The following FHOD3 variants were observed in gnomAD, a reference collection of about 807,000 sequenced individuals.
The protein encoded by FHOD3 is formin homology 2 domain containing 3.
FHOD3 carries 90 observed loss-of-function variants against 173.0 expected under a neutral mutation model. The observed-to-expected ratio is 0.52, with a 90% CI of 0.44 to 0.62. FHOD3 has a LOEUF of 0.62. Among genes scored for constraint, FHOD3 ranks in the 20% least tolerant of loss-of-function variants. The pLI is 0.00. For synonymous variants in FHOD3, 828 were observed against 823.0 expected (o/e 1.01, Z -0.10); for missense variants, 1,945 against 2,034.7 (o/e 0.96, Z 0.85).
At chr18:36,639,035 G>A (rs963173974) in intron 10 of FHOD3, among the ~76,000 whole-genome samples, 3 of 152,178 alleles carry the variant, frequency 2.0e-5, no homozygotes, top group African/African-American at 7.2e-5. Flanking sequence ...TTTTAAGGGT[G>A]AAATAAGACC....
chr18:36,755,069 T>TTTTA, intron 24 of FHOD3, 50 bp from the exon 25 acceptor site: 1 of 1,283,490 alleles, frequency 7.8e-7, no homozygotes, highest in Non-Finnish European at 1.0e-6. Flanking sequence ...GACAAGTAAT[T>TTTTA]TTTATTTCTT....
intron 3 of FHOD3, among the ~76,000 whole-genome samples, chr18:36,455,481 G>A (rs1186110489): frequency 6.6e-6 from 1 of 151,790 alleles, no homozygotes; most frequent in Non-Finnish European, 1.5e-5. Context: ...AATCTATTAT[G>A]ATTCTTTCAA....
At chr18:36,677,354 G>T (rs1178744628) in intron 14 of FHOD3, among the ~76,000 whole-genome samples, 1 of 151,764 alleles carries the variant, frequency 6.6e-6, no homozygotes, top group Non-Finnish European at 1.5e-5. Flanking sequence ...GCTTCTCCAC[G>T]TTGGTCAGGC....
chr18:36,320,719 A>G (rs16967737), intron 1 of FHOD3, among the ~76,000 whole-genome samples: 7,294 of 152,258 alleles, frequency 0.048, 558 homozygotes, highest in African/African-American at 0.17. Flanking sequence ...TGGAATCAAT[A>G]CCTGTCAAGA....
chr18:36,553,987 G>A (rs1008485237), intron 5 of FHOD3, among the ~76,000 whole-genome samples: 15 of 152,268 alleles, frequency 9.9e-5, no homozygotes, highest in African/African-American at 2.6e-4. Context: ...TCAGGAAACA[G>A]TAGGTGCTGG....
chr18:36,376,314 A>G (rs757462063), intron 3 of FHOD3, among the ~76,000 whole-genome samples: 17 of 152,172 alleles, frequency 1.1e-4, no homozygotes, highest in Non-Finnish European at 1.9e-4. Context: ...CCTGGGCTTC[A>G]ATTTTCTGAA....
intron 5 of FHOD3, among the ~76,000 whole-genome samples, chr18:36,520,964 G>A (rs1171302594): frequency 1.3e-5 from 2 of 152,166 alleles, no homozygotes; most frequent in Admixed American, 6.5e-5. Flanking sequence ...AAGCACAATC[G>A]TTATTTCCTT....
chr18:36,721,487 A>C (rs1229036027), intron 19 of FHOD3, among the ~76,000 whole-genome samples: 1 of 152,064 alleles, frequency 6.6e-6, no homozygotes, highest in Non-Finnish European at 1.5e-5. Flanking sequence ...TAAAATGTAC[A>C]CACACGCACA....
chr18:36,328,337 T>A (rs2044783810), intron 1 of FHOD3, among the ~76,000 whole-genome samples: 1 of 151,984 alleles, frequency 6.6e-6, no homozygotes, highest in Non-Finnish European at 1.5e-5. Context: ...GGAGAACACA[T>A]GGCTCTGGGT....
intron 3 of FHOD3, among the ~76,000 whole-genome samples, chr18:36,483,017 T>G (rs75743013): frequency 0.088 from 13,405 of 152,138 alleles, 656 homozygotes; most frequent in East Asian, 0.22. Flanking sequence ...CTGTGTGGGC[T>G]CAGAATAGTG....
chr18:36,340,953 A>G (rs1472571931), intron 1 of FHOD3, among the ~76,000 whole-genome samples: 3 of 152,092 alleles, frequency 2.0e-5, no homozygotes, highest in Non-Finnish European at 2.9e-5. Context: ...CTTTTCTTTG[A>G]TGCAGCCTCT....
Position 36,355,520 on chromosome 18 carries a change from C to T in FHOD3, c.166-19C>T, listed in dbSNP as rs2046319916. On this transcript the variant is annotated intron_variant, in intron 1 of 28. Coordinates refer to ENST00000590592, the MANE Select transcript of FHOD3 (RefSeq NM_001281740.3). The stretch of plus-strand genomic sequence containing the variant: ...CATCTGAGGAGCAGGTTGGGTATAA[C>T]AGGCTCTTTCTCTTGCAGCTGGATG... 9 of 1,611,118 alleles carry T rather than the reference C, an allele frequency of 5.6e-6. No homozygotes were observed. The highest frequency in any genetic ancestry group is 7.6e-6 in the Non-Finnish European group (9 of 1,177,318).
chr18:36,770,945 A>G lies in FHOD3; in HGVS notation c.4786+1519A>G, dbSNP rs60561697. Among the ~76,000 whole-genome samples the G allele has an allele frequency of 4.0e-3, 603 of 152,310 alleles. 5 individuals are homozygous for G. Among genetic ancestry groups the G allele is most frequent in the African/African-American group, 0.014 (563 of 41,582 alleles). On this transcript the variant is annotated intron_variant, in intron 28 of 28. Coordinates refer to ENST00000590592, the MANE Select transcript of FHOD3 (RefSeq NM_001281740.3). Reference sequence around the variant, plus strand: ...TATTTCATTTTTTAAATGGAAAACTATCGTTCAGGGAGACTGGCTTGTACA... The same window carrying G: ...TATTTCATTTTTTAAATGGAAAACTGTCGTTCAGGGAGACTGGCTTGTACA...
intron 3 of FHOD3, among the ~76,000 whole-genome samples, chr18:36,400,940 G>T (rs1433831500): frequency 1.3e-5 from 2 of 152,226 alleles, no homozygotes; most frequent in Non-Finnish European, 2.9e-5. Context: ...ATGGAGGAAA[G>T]TGTCGGTTGC....
At chr18:36,392,585 T>G (rs1023323539) in intron 3 of FHOD3, among the ~76,000 whole-genome samples, 1 of 152,144 alleles carries the variant, frequency 6.6e-6, no homozygotes, top group African/African-American at 2.4e-5. Context: ...CAGGCTCTGA[T>G]CCTCAAGCTG....
intron 9 of FHOD3, among the ~76,000 whole-genome samples, chr18:36,620,276 T>C (rs1431005217): frequency 6.6e-6 from 1 of 152,216 alleles, no homozygotes; most frequent in East Asian, 1.9e-4. Context: ...GCAGGTTCTT[T>C]GGGGAACTTT....
chr18:36,587,847 G>T (rs1041369593), intron 6 of FHOD3, among the ~76,000 whole-genome samples: 3 of 152,186 alleles, frequency 2.0e-5, no homozygotes, highest in Non-Finnish European at 4.4e-5. Flanking sequence ...TGAGTTGTCT[G>T]CTATATTTTA....
At chr18:36,307,186 A>G (rs997530625) in intron 1 of FHOD3, among the ~76,000 whole-genome samples, 2 of 151,954 alleles carry the variant, frequency 1.3e-5, no homozygotes, top group African/African-American at 4.8e-5. Context: ...GTGGTCTCGA[A>G]TTCCTGACCT....
At chr18:36,707,382 A>C (rs1021920747) in intron 17 of FHOD3, among the ~76,000 whole-genome samples, 3 of 152,046 alleles carry the variant, frequency 2.0e-5, no homozygotes, top group African/African-American at 7.3e-5. Context: ...ATCAAAGGAG[A>C]GGAATTTACT....
Sources: allele counts gnomAD v4.1 joint callset (sites outside exome capture counted in the v4.1 genomes callset), GRCh38; gene constraint gnomAD v4.1.1; transcripts MANE v1.5; gene names NCBI Gene and HGNC (gene_info 2026-07-23, HGNC 2026-07-21).